The following MANBAL variants were observed in gnomAD, a reference collection of about 807,000 sequenced individuals.
MANBAL encodes the protein mannosidase beta like.
MANBAL carries 1 observed loss-of-function variant against 6.4 expected under a neutral mutation model. The observed-to-expected ratio is 0.16, with a 90% confidence interval of 0.06 to 0.74. The LOEUF (loss-of-function observed/expected upper bound fraction) is 0.74. Ranked by LOEUF, MANBAL falls within the 30% of genes least tolerant of loss-of-function variation. The pLI is 0.78. For missense variants in MANBAL, 100 were observed against 107.8 expected (o/e 0.93, Z 0.32); for synonymous variants, 47 against 45.8 (o/e 1.03, Z -0.10).
At chr20:37,300,510 G>A (rs1568600170) in intron 1 of MANBAL, among the ~76,000 whole-genome samples, 1 of 152,164 alleles carries the variant, frequency 6.6e-6, no homozygotes, top group Non-Finnish European at 1.5e-5. Context: ...GCATGTAGAG[G>A]CTCCAAGAAA....
rs921460948 is a variant in MANBAL at position 37,306,660 on chromosome 20, G to A, written c.150+5247G>A. Among the ~76,000 whole-genome samples the A allele has an allele frequency of 7.2e-5, 11 of 152,326 alleles. No individual in the cohort carries two copies. In the South Asian group the frequency reaches 1.4e-3, roughly 20 times the overall value. ...CTAAAATAGAAGATAGTAGGTCCTAGTACCATTTCCATCTAGTCCAGGTTA... is the reference window on the plus strand; with the variant it reads ...CTAAAATAGAAGATAGTAGGTCCTAATACCATTTCCATCTAGTCCAGGTTA... On this transcript the variant is annotated intron_variant, in intron 2 of 2. Coordinates refer to ENST00000373606, the MANE Select transcript of MANBAL (RefSeq NM_001003897.2).
chr20:37,315,383 A>G (rs1336048805), intron 2 of MANBAL, among the ~76,000 whole-genome samples: 1 of 152,212 alleles, frequency 6.6e-6, no homozygotes, highest in Non-Finnish European at 1.5e-5. Flanking sequence ...TATCACCCAG[A>G]GGAGGAGAGG....
intron 2 of MANBAL, chr20:37,302,190 T>C: frequency 1.3e-6 from 2 of 1,529,296 alleles, no homozygotes; most frequent in African/African-American, 1.4e-5. Flanking sequence ...TCGTTTGTCA[T>C]GTGGGATACC....
chr20:37,314,587 A>C (rs2069461892), intron 2 of MANBAL, among the ~76,000 whole-genome samples: 1 of 152,186 alleles, frequency 6.6e-6, no homozygotes, highest in African/African-American at 2.4e-5. Context: ...TAAACAGAGT[A>C]GGGGGACCTT....
rs551612489 is a variant in MANBAL at position 37,311,465 on chromosome 20, T to G, written c.151-4843T>G. 6.6e-5 allele frequency among the ~76,000 whole-genome samples: 10 copies of G among 152,288 alleles called. No homozygotes were observed. In the East Asian group the frequency reaches 1.3e-3, roughly 21 times the overall value. On this transcript the variant is annotated intron_variant, in intron 2 of 2. Coordinates refer to ENST00000373606, the MANE Select transcript of MANBAL (RefSeq NM_001003897.2). ...CGATTGGGATTGTTGTTGTCATTGT[T>G]TTTTTTATTTGTTTGTTTGTTTTTG... is the stretch of plus-strand genomic sequence containing the variant.
At chr20:37,291,081 TAAGAG>T (rs931209227) in intron 1 of MANBAL, among the ~76,000 whole-genome samples, 6 of 151,774 alleles carry the variant, frequency 4.0e-5, no homozygotes, top group African/African-American at 9.7e-5. Flanking sequence ...TTTTCAGTCT[TAAGAG>T]AAGATTTAGT....
intron 2 of MANBAL, among the ~76,000 whole-genome samples, chr20:37,313,920 C>T (rs985883627): frequency 1.3e-5 from 2 of 152,196 alleles, no homozygotes; most frequent in Admixed American, 6.5e-5. Flanking sequence ...GCTCTGGGGC[C>T]TGACTCAGTG....
chr20:37,307,232 A>T (rs2069279517), intron 2 of MANBAL, among the ~76,000 whole-genome samples: 1 of 152,198 alleles, frequency 6.6e-6, no homozygotes, highest in African/African-American at 2.4e-5. Flanking sequence ...TCCCAAAGTG[A>T]TGGGATTACA....
intron 2 of MANBAL, among the ~76,000 whole-genome samples, chr20:37,310,443 T>C (rs984448306): frequency 6.6e-6 from 1 of 152,216 alleles, no homozygotes; most frequent in Non-Finnish European, 1.5e-5. Flanking sequence ...TCCATTGTTC[T>C]TAGAGGGTCA....
intron 2 of MANBAL, among the ~76,000 whole-genome samples, chr20:37,305,640 C>G (rs2069240863): frequency 6.6e-6 from 1 of 151,182 alleles, no homozygotes; most frequent in Non-Finnish European, 1.5e-5. Flanking sequence ...AAGGCTCACA[C>G]AAGTAAATTG....
At chr20:37,299,590 A>C (rs2069084168) in intron 1 of MANBAL, among the ~76,000 whole-genome samples, 1 of 152,194 alleles carries the variant, frequency 6.6e-6, no homozygotes. Flanking sequence ...GGAAACACAA[A>C]GGGTTTTAGA....
chr20:37,313,509 A>C (rs1027329302), intron 2 of MANBAL, among the ~76,000 whole-genome samples: 2 of 152,210 alleles, frequency 1.3e-5, no homozygotes, highest in Non-Finnish European at 2.9e-5. Context: ...GTTTGAGACC[A>C]GCTTGGCCAA....
At chr20:37,300,755 A>G (rs1415692477) in intron 1 of MANBAL, among the ~76,000 whole-genome samples, 1 of 152,206 alleles carries the variant, frequency 6.6e-6, no homozygotes, top group Admixed American at 6.5e-5. Flanking sequence ...TGGTTCATTG[A>G]CTGACCATAT....
Position 37,306,989 on chromosome 20 carries a change from G to A in MANBAL, c.150+5576G>A, listed in dbSNP as rs1028874397. Among the ~76,000 whole-genome samples, 5 of 152,180 alleles carry A rather than the reference G, an allele frequency of 3.3e-5. No individual in the cohort carries two copies. In the South Asian group the frequency reaches 1.0e-3, roughly 32 times the overall value. ...CTTTTTATTTATGTTTTTGAGACAGGGTCTTGCTCTATTGCCTAGGCTGGA... is the reference window on the plus strand; with the variant it reads ...CTTTTTATTTATGTTTTTGAGACAGAGTCTTGCTCTATTGCCTAGGCTGGA... On this transcript the variant is annotated intron_variant, in intron 2 of 2. Transcript: ENST00000373606.
rs765141808 is a variant in MANBAL at position 37,316,374 on chromosome 20, G to A, written c.217G>A (p.Val73Met). ...GAAGCCCAAGGCTGCTGTTCCTTCT[G>A]TGAACAAGAGGCCCAAGAAAGAGAC... ...TRKPKAAVPS[V>M]NKRPKKETKK... Residue 73 changes from valine (V) to methionine (M), a missense_variant, in exon 3 of 3, where the codon GTG (valine) becomes ATG (methionine). By Grantham distance (21) the Val-to-Met change is conservative. Coordinates refer to ENST00000373606, the MANE Select transcript of MANBAL (RefSeq NM_001003897.2). The A allele has an allele frequency of 1.7e-5, 27 of 1,613,754 alleles. No individual in the cohort carries two copies. The highest frequency in any genetic ancestry group is 2.0e-5 in the Non-Finnish European group (24 of 1,179,872).
At chr20:37,293,640 TC>T (rs2068924297) in intron 1 of MANBAL, among the ~76,000 whole-genome samples, 1 of 152,122 alleles carries the variant, frequency 6.6e-6, no homozygotes, top group Non-Finnish European at 1.5e-5. Context: ...GTCTGTAACC[TC>T]CCACTCCACC....
intron 2 of MANBAL, 21 bp from the exon 3 acceptor site, chr20:37,316,287 C>T (rs760480390): frequency 1.2e-6 from 2 of 1,610,776 alleles, no homozygotes; most frequent in Non-Finnish European, 1.7e-6. Flanking sequence ...AAGCAGGACT[C>T]TCCTTTTTAT....
chr20:37,312,295 G>C (rs1454152616), intron 2 of MANBAL, among the ~76,000 whole-genome samples: 1 of 152,180 alleles, frequency 6.6e-6, no homozygotes, highest in African/African-American at 2.4e-5. Context: ...TTGACAGATA[G>C]GTTCTCAGAG....
At chr20:37,291,950 T>TCC (rs2068881370) in intron 1 of MANBAL, among the ~76,000 whole-genome samples, 1 of 152,214 alleles carries the variant, frequency 6.6e-6, no homozygotes, top group African/African-American at 2.4e-5. Context: ...TTCAAAGTGG[T>TCC]ATGAAAATGG....
Sources: allele counts gnomAD v4.1 joint callset (sites outside exome capture counted in the v4.1 genomes callset), GRCh38; gene constraint gnomAD v4.1.1; transcripts MANE v1.5; gene names NCBI Gene and HGNC (gene_info 2026-07-23, HGNC 2026-07-21).